GNA11: variants seen among roughly 807,000 people sequenced by gnomAD.
GNA11 encodes the protein guanine nucleotide-binding protein subunit alpha-11.
Under a neutral mutation model 38.2 loss-of-function variants are expected in GNA11, and 8 were observed. The observed-to-expected ratio is 0.21, with a 90% CI of 0.12 to 0.38. The LOEUF (loss-of-function observed/expected upper bound fraction) is 0.38. Among genes scored for constraint, GNA11 ranks in the 10% least tolerant of loss-of-function variants. GNA11 has a pLI of 1.00. For synonymous variants in GNA11, 211 were observed against 221.4 expected (o/e 0.95, Z 0.42); for missense variants, 268 against 516.3 (o/e 0.52, Z 4.66).
At chr19:3,106,058 C>T (rs1462483550) in intron 1 of GNA11, among the ~76,000 whole-genome samples, 1 of 152,150 alleles carries the variant, frequency 6.6e-6, no homozygotes, top group Non-Finnish European at 1.5e-5. Context: ...AGCGTTCCAG[C>T]TCAGATGTCT....
rs918773155 is a variant in GNA11, at chr19:3,108,995, G to A, written c.137-1154G>A. Among the ~76,000 whole-genome samples the A allele has an allele frequency of 6.6e-6, 1 of 152,240 alleles. No homozygotes were observed. Among genetic ancestry groups the A allele is most frequent in the African/African-American group, 2.4e-5 (1 of 41,466 alleles). On this transcript the variant is annotated intron_variant, in intron 1 of 6. Coordinates refer to ENST00000078429, the MANE Select transcript of GNA11 (RefSeq NM_002067.5). This position sits in a 1 kb window ranked among gnomAD's most constrained non-coding sequence, Gnocchi z 4.5. ...CCCCTGACCCGAGACTGAGGGCAAG[G>A]AGGAAGGCCTGTGCCTTTTGTGAAC...
chr19:3,106,162 A>T (rs1048531567), intron 1 of GNA11, among the ~76,000 whole-genome samples: 2 of 152,090 alleles, frequency 1.3e-5, no homozygotes, highest in Non-Finnish European at 2.9e-5. Flanking sequence ...TTGGGGCCAC[A>T]TGGCTGCCGG....
intron 1 of GNA11, among the ~76,000 whole-genome samples, chr19:3,099,863 G>A (rs1161336228): frequency 6.6e-6 from 1 of 152,150 alleles, no homozygotes; most frequent in Non-Finnish European, 1.5e-5. Flanking sequence ...GATCAGGTAC[G>A]TGGCCTGGGG....
At chr19:3,095,976 C>T (rs532778901) in intron 1 of GNA11, among the ~76,000 whole-genome samples, 276 of 152,156 alleles carry the variant, frequency 1.8e-3, no homozygotes, top group Non-Finnish European at 3.5e-3. Context: ...AGCTCTTGCC[C>T]TGCCCCGCCC....
At chr19:3,109,788 G>A (rs369851559) in intron 1 of GNA11, among the ~76,000 whole-genome samples, 26 of 152,370 alleles carry the variant, frequency 1.7e-4, no homozygotes, top group East Asian at 1.5e-3. Flanking sequence ...TGGCGTGACC[G>A]TGGTGGAGCT....
rs751275224 is a variant in GNA11, at chr19:3,119,409, G to A, written c.889+50G>A. On this transcript the variant is annotated intron_variant, in intron 6 of 6. Coordinates refer to ENST00000078429, the MANE Select transcript of GNA11 (RefSeq NM_002067.5). The surrounding 1 kb of genome is among the most constrained non-coding windows in gnomAD (Gnocchi z 4.6). The stretch of plus-strand genomic sequence containing the variant: ...GGGGCTCGCGGGCAGGGCCTTACTG[G>A]GGGGAGGGGGCTGATATGGGAGAGG... The A allele has an allele frequency of 3.2e-6, 5 of 1,557,678 alleles. No individual in the cohort carries two copies. The highest frequency in any genetic ancestry group is 3.5e-6 in the Non-Finnish European group (4 of 1,139,054).
intron 2 of GNA11, among the ~76,000 whole-genome samples, chr19:3,113,055 T>G (rs997466568): frequency 9.2e-5 from 14 of 152,210 alleles, no homozygotes; most frequent in African/African-American, 2.7e-4. Context: ...CCTCCCCACC[T>G]CTAAGAAGTG....
chr19:3,097,158 G>C (rs1271534433), intron 1 of GNA11, among the ~76,000 whole-genome samples: 2 of 152,136 alleles, frequency 1.3e-5, no homozygotes, highest in East Asian at 3.9e-4. Flanking sequence ...TCAGGGAGCA[G>C]CTAGAGGGTG....
In GNA11 at chr19:3,123,874, G is replaced by A. The variant is rs1374905764; in HGVS notation, c.*2695G>A. On this transcript the variant is annotated 3_prime_UTR_variant, in exon 7 of 7. Coordinates refer to ENST00000078429, the MANE Select transcript of GNA11 (RefSeq NM_002067.5). ...GGGATGGGAGGAGGGGCTGAGGAGC[G>A]GCTCAGTGTCACCTCCCACAGCCAC... 2.6e-5 allele frequency: 6 copies of A among 232,452 alleles called. No individual in the cohort carries two copies. The highest frequency in any genetic ancestry group is 1.2e-4 in the East Asian group (2 of 16,482). 14.4% of individuals were successfully genotyped at this position (232,452 alleles called of 1,614,324 possible). A position where few individuals can be genotyped will look rare whatever the true frequency, so the allele number is the denominator to read the frequency against.
chr19:3,109,641 G>A (rs934051671), intron 1 of GNA11, among the ~76,000 whole-genome samples: 5 of 152,176 alleles, frequency 3.3e-5, no homozygotes, highest in Admixed American at 6.5e-5. Context: ...GGCCGTGGCC[G>A]CTGAGCAAAG....
chr19:3,119,397 A>C lies in GNA11; in HGVS notation c.889+38A>C. 1.3e-6 allele frequency: 2 copies of C among 1,585,422 alleles called. No homozygotes were observed. The highest frequency in any genetic ancestry group is 1.7e-6 in the Non-Finnish European group (2 of 1,160,912). ...GCGGCATGGGGAGGGGCTCGCGGGC[A>C]GGGCCTTACTGGGGGGAGGGGGCTG... is the stretch of plus-strand genomic sequence containing the variant. On this transcript the variant is annotated intron_variant, in intron 6 of 6. Coordinates refer to ENST00000078429, the MANE Select transcript of GNA11 (RefSeq NM_002067.5). This position sits in a 1 kb window ranked among gnomAD's most constrained non-coding sequence, Gnocchi z 4.6.
chr19:3,095,133 T>C (rs2145300934), intron 1 of GNA11, among the ~76,000 whole-genome samples: 1 of 152,008 alleles, frequency 6.6e-6, no homozygotes, highest in African/African-American at 2.4e-5. Context: ...TGCGGGCCCC[T>C]GATTTCTTTG....
At chr19:3,101,909 C>T (rs939780197) in intron 1 of GNA11, among the ~76,000 whole-genome samples, 1 of 152,108 alleles carries the variant, frequency 6.6e-6, no homozygotes. Context: ...GCCTGGGCAA[C>T]ATGACGAGAC....
intron 1 of GNA11, among the ~76,000 whole-genome samples, chr19:3,097,306 T>C (rs991122067): frequency 6.6e-6 from 1 of 152,080 alleles, no homozygotes; most frequent in African/African-American, 2.4e-5. Context: ...TGGGTCTGCC[T>C]CTCCCTAGAA....
chr19:3,120,592 C>T lies in GNA11; in HGVS notation c.890-397C>T, dbSNP rs540402199. On this transcript the variant is annotated intron_variant, in intron 6 of 6. Transcript: ENST00000078429. This position sits in a 1 kb window ranked among gnomAD's most constrained non-coding sequence, Gnocchi z 5.9. ...GGGTGGGTGGGGGCCACTGTTCCTG[C>T]TCTGTAGGCTCTGTGCCCAGCCCTG... Among the ~76,000 whole-genome samples the T allele has an allele frequency of 3.9e-5, 6 of 152,164 alleles. No homozygotes were observed. The highest frequency in any genetic ancestry group is 1.2e-4 in the African/African-American group (5 of 41,432).
chr19:3,116,719 G>A (rs942071369), intron 4 of GNA11, among the ~76,000 whole-genome samples: 4 of 152,214 alleles, frequency 2.6e-5, no homozygotes, highest in Non-Finnish European at 5.9e-5. Flanking sequence ...AGGGCCTCGC[G>A]GTGGCTCCGG....
intron 4 of GNA11, 107 bp from the exon 5 acceptor site, chr19:3,118,817 G>A (rs984096048): frequency 2.7e-5 from 28 of 1,028,558 alleles, no homozygotes; most frequent in South Asian, 9.7e-5. Context: ...TGCTCCAGCC[G>A]ATGTCAGTCT....
intron 1 of GNA11, among the ~76,000 whole-genome samples, chr19:3,097,518 CTG>C (rs1913402162): frequency 2.0e-5 from 3 of 152,220 alleles, no homozygotes; most frequent in Non-Finnish European, 2.9e-5. Flanking sequence ...CTCCAGGGCC[CTG>C]CCCTGACTCC....
rs775624350 is a variant in GNA11 at position 3,114,957 on chromosome 19, G to A, written c.490G>A (p.Val164Ile). 5.6e-6 allele frequency: 9 copies of A among 1,612,188 alleles called. No homozygotes were observed. The highest frequency in any genetic ancestry group is 3.3e-5 in the Admixed American group (2 of 59,936). The change falls in exon 4 of 7, where the codon GTT (valine) becomes ATT (isoleucine). Residue 164 changes from valine (V) to isoleucine (I), a missense_variant. Transcript: ENST00000078429. ...SDSAKYYLTDVDRIATLGYLP... is the reference protein window; with the variant it reads ...SDSAKYYLTDIDRIATLGYLP... ...GCTGTGTTGCAGCTACCTGACCGAC[G>A]TTGACCGCATCGCCACCTTGGGCTA...
Sources: gnomAD v4.1 joint callset for allele counts (sites outside exome capture counted in the v4.1 genomes callset) on GRCh38, gnomAD v4.1.1 for gene constraint, Gnocchi (gnomAD v3.1) non-coding constraint, MANE v1.5 for transcripts, NCBI Gene and HGNC (gene_info 2026-07-23, HGNC 2026-07-21) for gene names.